Variants in MAPK4 observed in about 807,000 individuals in gnomAD.
MAPK4 encodes the protein mitogen-activated protein kinase 4, also known as Erk3-related.
A neutral mutation model predicts 47.7 loss-of-function variants in MAPK4; 22 were observed. The observed-to-expected ratio is 0.46, with a 90% CI of 0.33 to 0.66. The LOEUF (loss-of-function observed/expected upper bound fraction) is 0.66, where lower values mean the gene tolerates loss of function less well. MAPK4 is among the 30% of genes least tolerant of loss of function. MAPK4 has a pLI of 0.02. For synonymous variants in MAPK4, 390 were observed against 365.7 expected (o/e 1.07, Z -0.76); for missense variants, 736 against 831.7 (o/e 0.88, Z 1.42).
At chr18:50,584,559 CT>C in intron 1 of MAPK4, among the ~76,000 whole-genome samples, 1 of 152,184 alleles carries the variant, frequency 6.6e-6, no homozygotes, top group Non-Finnish European at 1.5e-5. Context: ...GTATTGTTCC[CT>C]AGCTATAGAC....
chr18:50,636,195 A>G (rs1325253189), intron 1 of MAPK4, among the ~76,000 whole-genome samples: 3 of 152,190 alleles, frequency 2.0e-5, no homozygotes, highest in African/African-American at 4.8e-5. Context: ...ACACCTTCTC[A>G]GGTCCTGGCC....
chr18:50,691,960 C>T (rs1909242761), intron 2 of MAPK4, among the ~76,000 whole-genome samples: 1 of 152,162 alleles, frequency 6.6e-6, no homozygotes, highest in African/African-American at 2.4e-5. Flanking sequence ...TTCCCATCCC[C>T]CCTCACACCC....
rs970873460 is a variant in MAPK4, at chr18:50,659,422, G to A, written c.-870-3667G>A. On this transcript the variant is annotated intron_variant, in intron 1 of 5. Transcript: ENST00000400384. ...GGGGAGATAGTTCCTGTGGAAAGTC[G>A]AAAGCATGAGGTTCGGGAGGATCTG... 6.6e-5 allele frequency among the ~76,000 whole-genome samples: 10 copies of A among 152,184 alleles called. No homozygotes were observed. The East Asian group carries it at 7.7e-4, about 12-fold the overall frequency.
intron 2 of MAPK4, among the ~76,000 whole-genome samples, chr18:50,681,512 A>T (rs1199826505): frequency 6.6e-6 from 1 of 152,174 alleles, no homozygotes; most frequent in Non-Finnish European, 1.5e-5. Context: ...AAGGTCATGA[A>T]GATTTATGCC....
intron 1 of MAPK4, chr18:50,560,881 G>A (rs1166870837): frequency 2.6e-5 from 4 of 152,266 alleles, no homozygotes; most frequent in African/African-American, 4.8e-5. Flanking sequence ...CTGGGTCCCG[G>A]GCCGGCTCCC....
intron 3 of MAPK4, among the ~76,000 whole-genome samples, chr18:50,718,465 G>T (rs1200249000): frequency 1.3e-5 from 2 of 152,136 alleles, no homozygotes; most frequent in African/African-American, 4.8e-5. Flanking sequence ...TGATCCACCT[G>T]CCTCAGCCTC....
intron 5 of MAPK4, among the ~76,000 whole-genome samples, chr18:50,727,163 C>T (rs1352679539): frequency 6.6e-6 from 1 of 152,180 alleles, no homozygotes; most frequent in Non-Finnish European, 1.5e-5. Flanking sequence ...TTTTCCTGTT[C>T]TGACGTTCTT....
intron 1 of MAPK4, among the ~76,000 whole-genome samples, chr18:50,656,230 A>C (rs1568065323): frequency 6.6e-6 from 1 of 152,218 alleles, no homozygotes; most frequent in Admixed American, 6.5e-5. Flanking sequence ...ATTACCACGC[A>C]GCTCCTGAGA....
At chr18:50,712,270 T>C (rs950691827) in intron 2 of MAPK4, among the ~76,000 whole-genome samples, 10 of 151,920 alleles carry the variant, frequency 6.6e-5, no homozygotes, top group African/African-American at 2.4e-4. Flanking sequence ...CTACAAAACA[T>C]ACAAAAATTA....
chr18:50,560,913 C>G (rs181999652), intron 1 of MAPK4, among the ~76,000 whole-genome samples: 244 of 152,362 alleles, frequency 1.6e-3, no homozygotes, highest in African/African-American at 5.7e-3. Flanking sequence ...CCGGGTTGCT[C>G]TCTATCAGGA....
intron 2 of MAPK4, among the ~76,000 whole-genome samples, chr18:50,679,900 T>C (rs139569585): frequency 1.7e-4 from 26 of 152,036 alleles, no homozygotes; most frequent in African/African-American, 6.0e-4. Context: ...TCTTACGCTG[T>C]CCTCCTCTAC....
chr18:50,699,497 G>A (rs1256571786), intron 2 of MAPK4, among the ~76,000 whole-genome samples: 2 of 152,158 alleles, frequency 1.3e-5, no homozygotes, highest in Admixed American at 6.5e-5. Context: ...CTAAATATAA[G>A]ATCAATATAC....
At chr18:50,598,236 AAAT>A (rs1242290298) in intron 1 of MAPK4, among the ~76,000 whole-genome samples, 3 of 152,240 alleles carry the variant, frequency 2.0e-5, no homozygotes, top group Non-Finnish European at 4.4e-5. Flanking sequence ...AAGGTAATAA[AAAT>A]AAGCAAGAAA....
chr18:50,691,716 A>G (rs1174726583), intron 2 of MAPK4, among the ~76,000 whole-genome samples: 2 of 152,260 alleles, frequency 1.3e-5, no homozygotes, highest in Admixed American at 6.5e-5. Context: ...AAAATAGCTT[A>G]TCATTTTCAG....
At chr18:50,675,714 T>C (rs1263832339) in intron 2 of MAPK4, among the ~76,000 whole-genome samples, 1 of 152,038 alleles carries the variant, frequency 6.6e-6, no homozygotes, top group Non-Finnish European at 1.5e-5. Flanking sequence ...ATGGTCTTGA[T>C]CTCTTGACCT....
chr18:50,714,106 G>C (rs969953199), intron 2 of MAPK4, among the ~76,000 whole-genome samples: 1 of 152,210 alleles, frequency 6.6e-6, no homozygotes, highest in Non-Finnish European at 1.5e-5. Flanking sequence ...AGAAAGGAAA[G>C]TGTGAATGCT....
chr18:50,722,829 C>T (rs1308520059), intron 4 of MAPK4, among the ~76,000 whole-genome samples: 3 of 152,150 alleles, frequency 2.0e-5, no homozygotes, highest in African/African-American at 4.8e-5. Flanking sequence ...GGTTGAGGGG[C>T]TCAGTGTCCT....
At chr18:50,680,255 C>A (rs903813227) in intron 2 of MAPK4, among the ~76,000 whole-genome samples, 2 of 151,754 alleles carry the variant, frequency 1.3e-5, no homozygotes, top group Non-Finnish European at 2.9e-5. Context: ...CCACGCCCAG[C>A]TGATTTTTGT....
intron 1 of MAPK4, among the ~76,000 whole-genome samples, chr18:50,641,757 A>C (rs2144183231): frequency 6.6e-6 from 1 of 152,358 alleles, no homozygotes; most frequent in Admixed American, 6.5e-5. Context: ...TAAACTAGAT[A>C]ATTATTACAT....
Sources: allele counts gnomAD v4.1 joint callset (sites outside exome capture counted in the v4.1 genomes callset), GRCh38; gene constraint gnomAD v4.1.1; transcripts MANE v1.5; gene names NCBI Gene and HGNC (gene_info 2026-07-23, HGNC 2026-07-21).